The following RAP1GDS1 variants were observed in gnomAD, a reference collection of about 807,000 sequenced individuals.
The protein encoded by RAP1GDS1 is Rap1 GTPase-GDP dissociation stimulator 1, also known as RAP1, GTP-GDP dissociation stimulator 1.
A neutral mutation model predicts 71.1 loss-of-function variants in RAP1GDS1; 35 were observed. That is an observed-to-expected ratio of 0.49 (90% CI 0.38 to 0.65). The LOEUF is 0.65. RAP1GDS1 is among the 30% of genes least tolerant of loss of function. The pLI, the probability that RAP1GDS1 is intolerant of heterozygous loss-of-function variation, is 0.00. For missense variants in RAP1GDS1, 663 were observed against 706.1 expected (o/e 0.94, Z 0.69); for synonymous variants, 229 against 243.1 (o/e 0.94, Z 0.54).
intron 4 of RAP1GDS1, among the ~76,000 whole-genome samples, chr4:98,359,074 C>T (rs1391516576): frequency 6.6e-6 from 1 of 152,002 alleles, no homozygotes; most frequent in Non-Finnish European, 1.5e-5. Flanking sequence ...CAGCATAGCT[C>T]ACAGCAGTAA....
intron 4 of RAP1GDS1, among the ~76,000 whole-genome samples, chr4:98,360,461 A>C (rs10029895): frequency 0.044 from 6,641 of 151,648 alleles, 345 homozygotes; most frequent in African/African-American, 0.13. Flanking sequence ...ATAGAGGCCT[A>C]CTTGGGGGTT....
At chr4:98,342,883 G>T (rs1327509461) in intron 2 of RAP1GDS1, among the ~76,000 whole-genome samples, 1 of 152,100 alleles carries the variant, frequency 6.6e-6, no homozygotes, top group Non-Finnish European at 1.5e-5. Context: ...GATATATTCA[G>T]AAAGAACTTC....
At chr4:98,301,821 A>G (rs919468498) in intron 2 of RAP1GDS1, among the ~76,000 whole-genome samples, 8 of 152,184 alleles carry the variant, frequency 5.3e-5, no homozygotes, top group Admixed American at 5.2e-4. Flanking sequence ...TTGGGGATGG[A>G]GTTGTTCACC....
chr4:98,306,980 CA>C (rs1372010970), intron 2 of RAP1GDS1, among the ~76,000 whole-genome samples: 2 of 151,992 alleles, frequency 1.3e-5, no homozygotes, highest in Non-Finnish European at 2.9e-5. Flanking sequence ...TATAATGAGA[CA>C]TTTTTTGGAA....
chr4:98,355,223 C>T lies in RAP1GDS1; in HGVS notation c.361+2622C>T, dbSNP rs1200066919. On this transcript the variant is annotated intron_variant, in intron 4 of 14. Transcript: ENST00000408927. ...TATTTTAATTCATCAACCTTCTTCA[C>T]TCTCGGGAATGTAATGCTTCATTTT... Among the ~76,000 whole-genome samples, 6 of 152,204 alleles carry T rather than the reference C, an allele frequency of 3.9e-5. No individual in the cohort carries two copies. The East Asian group carries it at 7.7e-4, about 20-fold the overall frequency.
chr4:98,398,095 T>C lies in RAP1GDS1; in HGVS notation c.637+6015T>C, dbSNP rs551461646. ...CAGACAGCTCAAGAGGTGAGGGCAATCTCTAACATGGAAGATAAATAGAGA... is the reference window on the plus strand; with the variant it reads ...CAGACAGCTCAAGAGGTGAGGGCAACCTCTAACATGGAAGATAAATAGAGA... On this transcript the variant is annotated intron_variant, in intron 6 of 14. Transcript: ENST00000408927. Among the ~76,000 whole-genome samples the C allele has an allele frequency of 2.0e-5, 3 of 152,090 alleles. No homozygotes were observed. The East Asian group carries it at 5.8e-4, about 29-fold the overall frequency.
chr4:98,327,880 G>C (rs190048523), intron 2 of RAP1GDS1, among the ~76,000 whole-genome samples: 112 of 152,278 alleles, frequency 7.4e-4, no homozygotes, highest in Middle Eastern at 3.4e-3. Flanking sequence ...GGTGCTTGCT[G>C]TCATCTCAAA....
intron 5 of RAP1GDS1, chr4:98,379,367 C>T (rs1741652470): frequency 1.9e-6 from 1 of 529,310 alleles, no homozygotes. Context: ...TTTTGAAGGG[C>T]TGCCAGTTTT....
intron 4 of RAP1GDS1, among the ~76,000 whole-genome samples, chr4:98,368,700 AAATT>A (rs1465707337): frequency 6.6e-6 from 1 of 152,170 alleles, no homozygotes; most frequent in Non-Finnish European, 1.5e-5. Context: ...TGTTATTATT[AAATT>A]AATTAGAAAA....
chr4:98,354,693 A>G (rs1737696730), intron 4 of RAP1GDS1, among the ~76,000 whole-genome samples: 1 of 152,152 alleles, frequency 6.6e-6, no homozygotes, highest in Admixed American at 6.5e-5. Context: ...TTCTATGGAT[A>G]TCCTTTAAGT....
chr4:98,382,086 A>C (rs1280954711), intron 5 of RAP1GDS1, among the ~76,000 whole-genome samples: 2 of 151,596 alleles, frequency 1.3e-5, no homozygotes, highest in Non-Finnish European at 3.0e-5. Flanking sequence ...TTTTTGTACC[A>C]TTTGCTAAAG....
chr4:98,338,581 C>T (rs910626284), intron 2 of RAP1GDS1, among the ~76,000 whole-genome samples: 18 of 152,136 alleles, frequency 1.2e-4, no homozygotes, highest in Admixed American at 3.9e-4. Context: ...TCTGAGCCTT[C>T]AGTGAAAACC....
intron 6 of RAP1GDS1, among the ~76,000 whole-genome samples, chr4:98,398,367 C>G (rs924451619): frequency 6.6e-6 from 1 of 152,068 alleles, no homozygotes; most frequent in Admixed American, 6.6e-5. Context: ...TTGCAAATAT[C>G]TGTCAAATAA....
intron 14 of RAP1GDS1, among the ~76,000 whole-genome samples, chr4:98,438,192 T>C (rs1751405549): frequency 6.6e-6 from 1 of 152,102 alleles, no homozygotes; most frequent in African/African-American, 2.4e-5. Context: ...GTATTTTTCT[T>C]TGCTCTCGTC....
At chr4:98,272,928 A>G (rs1304400508) in intron 1 of RAP1GDS1, among the ~76,000 whole-genome samples, 1 of 152,176 alleles carries the variant, frequency 6.6e-6, no homozygotes. Flanking sequence ...TGAGCTCATA[A>G]GGCACCCACC....
In RAP1GDS1 at chr4:98,279,316, A is replaced by G. The variant is rs1448324375; in HGVS notation, c.5-14092A>G. 5.9e-5 allele frequency among the ~76,000 whole-genome samples: 9 copies of G among 152,104 alleles called. No individual in the cohort carries two copies. In the East Asian group the frequency reaches 1.3e-3, roughly 23 times the overall value. ...ATTATGTCTTAGCATTTTATAATAT[A>G]TGAGTTCTATAACATTTAAAATAAC... On this transcript the variant is annotated intron_variant, in intron 1 of 14. Coordinates refer to ENST00000408927, the MANE Select transcript of RAP1GDS1 (RefSeq NM_001100427.2).
chr4:98,287,196 A>G (rs1726171588), intron 1 of RAP1GDS1, among the ~76,000 whole-genome samples: 1 of 152,190 alleles, frequency 6.6e-6, no homozygotes, highest in Non-Finnish European at 1.5e-5. Context: ...TAGTAGAACT[A>G]TACAAGTAGG....
intron 4 of RAP1GDS1, 151 bp from the exon 5 acceptor site, chr4:98,378,865 GT>G (rs764144536): frequency 1.4e-6 from 1 of 698,040 alleles, no homozygotes; most frequent in East Asian, 3.3e-5. Flanking sequence ...TATTTCTTTT[GT>G]TTTTTTCTGA....
At chr4:98,352,248 G>A (rs1737318110) in intron 3 of RAP1GDS1, among the ~76,000 whole-genome samples, 1 of 152,070 alleles carries the variant, frequency 6.6e-6, no homozygotes, top group Non-Finnish European at 1.5e-5. Flanking sequence ...GAGACTGTCA[G>A]CAAACAAAAA....
Sources: gnomAD v4.1 joint callset for allele counts (sites outside exome capture counted in the v4.1 genomes callset) on GRCh38, gnomAD v4.1.1 for gene constraint, MANE v1.5 for transcripts, NCBI Gene and HGNC (gene_info 2026-07-23, HGNC 2026-07-21) for gene names.